The following ANKRD11 variants were observed in gnomAD, a reference collection of about 807,000 sequenced individuals.
ANKRD11 encodes the protein ankyrin repeat domain 11.
Under a neutral mutation model 195.7 loss-of-function variants are expected in ANKRD11, and 17 were observed. That is an observed-to-expected ratio of 0.09 (90% CI 0.06 to 0.13). The LOEUF (loss-of-function observed/expected upper bound fraction) is 0.13, where lower values mean the gene tolerates loss of function less well. Ranked by LOEUF, ANKRD11 falls within the 10% of genes least tolerant of loss-of-function variation. The pLI, the probability that ANKRD11 is intolerant of heterozygous loss-of-function variation, is 1.00. For synonymous variants in ANKRD11, 1,953 were observed against 1,528.1 expected, an observed-to-expected ratio of 1.28 and a Z score of -6.49; for missense variants, 3,735 against 3,566.1, an observed-to-expected ratio of 1.05 and a Z score of -1.21.
intron 2 of ANKRD11, among the ~76,000 whole-genome samples, chr16:89,371,395 C>A (rs1367012775): frequency 1.3e-5 from 2 of 152,226 alleles, no homozygotes; most frequent in Non-Finnish European, 2.9e-5. Flanking sequence ...TAAATCAAGT[C>A]ATTCCCTGCA....
At chr16:89,395,485 C>A (rs905752233) in intron 2 of ANKRD11, among the ~76,000 whole-genome samples, 1 of 152,208 alleles carries the variant, frequency 6.6e-6, no homozygotes. Flanking sequence ...TGTGAGCATG[C>A]GCCCAGGAAC....
intron 1 of ANKRD11, among the ~76,000 whole-genome samples, chr16:89,479,873 T>G (rs35367992): frequency 0.55 from 77,546 of 141,770 alleles, 20,394 homozygotes; most frequent in East Asian, 0.7. Context: ...AACCTGGGAG[T>G]CGGAGCTTGC....
At chr16:89,336,238 A>C (rs576595109) in intron 2 of ANKRD11, among the ~76,000 whole-genome samples, 1 of 152,216 alleles carries the variant, frequency 6.6e-6, no homozygotes, top group East Asian at 1.9e-4. Context: ...GGCAAGAGCC[A>C]CATCAACAGA....
intron 1 of ANKRD11, among the ~76,000 whole-genome samples, chr16:89,466,841 G>C (rs553987136): frequency 6.0e-4 from 91 of 152,336 alleles, no homozygotes; most frequent in African/African-American, 2.1e-3. Context: ...ACTCGGGCAT[G>C]TTCGAGAGTT....
At position 89,275,134 on chromosome 16, in the gene ANKRD11, C is replaced by A. The variant is rs544309810; in HGVS notation, c.7528G>T (p.Ala2510Ser). ...TGTAGACGCAGCTTTCCCCGGACGGCCTCCTGCTGCCTGAACAGCTCCTTC... is the reference window on the plus strand; with the variant it reads ...TGTAGACGCAGCTTTCCCCGGACGGACTCCTGCTGCCTGAACAGCTCCTTC... ...PLKELFRQQE[A>S]VRGKLRLQHS... Residue 2510 changes from alanine to serine, a missense_variant, in exon 10 of 13, where the codon GCC becomes TCC. Physicochemically the swap from Ala to Ser is moderately conservative, Grantham distance 99 (BLOSUM62 1). Coordinates refer to ENST00000301030, the MANE Select transcript of ANKRD11 (RefSeq NM_013275.6). 6.2e-6 allele frequency: 10 copies of A among 1,612,080 alleles called. No individual in the cohort carries two copies. The highest frequency in any genetic ancestry group is 1.7e-5 in the Admixed American group (1 of 59,762).
At chr16:89,290,598 G>A (rs1397158147) in intron 6 of ANKRD11, 27 bp downstream of exon 6, 1 of 1,608,396 alleles carries the variant, frequency 6.2e-7, no homozygotes, top group Admixed American at 1.7e-5. Context: ...GGGGCTCTCT[G>A]GCCCTTGCCA....
chr16:89,272,629 C>T (rs1206505860), intron 11 of ANKRD11: 1 of 152,198 alleles, frequency 6.6e-6, no homozygotes, highest in African/African-American at 2.4e-5. Context: ...GAGATCGTGC[C>T]ACTGCTCTCC....
At chr16:89,444,802 T>TA (rs139086360) in intron 1 of ANKRD11, among the ~76,000 whole-genome samples, 7,670 of 151,352 alleles carry the variant, frequency 0.051, 350 homozygotes, top group East Asian at 0.23. Flanking sequence ...AAATAAAATG[T>TA]AAAAAAAAGA....
At position 89,443,880 on chromosome 16, in the gene ANKRD11, A is replaced by G. The variant is rs145153062; in HGVS notation, c.-144-25512T>C. Among the ~76,000 whole-genome samples the G allele has an allele frequency of 9.1e-3, 1,388 of 152,286 alleles. 14 individuals are homozygous for G. The highest frequency in any genetic ancestry group is 0.061 in the Middle Eastern group (18 of 294). On this transcript the variant is annotated intron_variant, in intron 1 of 12. Coordinates refer to ENST00000301030, the MANE Select transcript of ANKRD11 (RefSeq NM_013275.6). ...CTGGGAGGGCAGGGGCTTGTCTTGG[A>G]GGAAAGTGCCAACAAAGCCTGTGCC...
At chr16:89,278,546 G>A (rs748410265) in intron 9 of ANKRD11, 1 of 456,798 alleles carries the variant, frequency 2.2e-6, no homozygotes, top group African/African-American at 2.0e-5. Context: ...GTGGAACAAG[G>A]TGAGGCTGGG....
chr16:89,451,008 T>C (rs1483613445), intron 1 of ANKRD11, among the ~76,000 whole-genome samples: 2 of 152,196 alleles, frequency 1.3e-5, no homozygotes, highest in Non-Finnish European at 2.9e-5. Context: ...AGCAAAGCAC[T>C]GTTTCTGTAA....
intron 2 of ANKRD11, among the ~76,000 whole-genome samples, chr16:89,393,309 TTTTTA>T (rs1284810594): frequency 6.8e-6 from 1 of 148,132 alleles, no homozygotes; most frequent in African/African-American, 2.6e-5. Flanking sequence ...ACTTTTTTTA[TTTTTA>T]TTTTTTTTTT....
intron 1 of ANKRD11, among the ~76,000 whole-genome samples, chr16:89,425,176 C>A (rs1266176317): frequency 6.6e-6 from 1 of 151,902 alleles, no homozygotes; most frequent in African/African-American, 2.4e-5. Context: ...TCACAATAAT[C>A]CCACAGAGTA....
intron 4 of ANKRD11, chr16:89,297,536 G>A (rs2035519290): frequency 7.3e-6 from 1 of 137,010 alleles, no homozygotes; most frequent in South Asian, 2.3e-4. Flanking sequence ...TGGCCAAGAA[G>A]TCTAAATCAC....
At chr16:89,338,555 T>C (rs1253296395) in intron 2 of ANKRD11, among the ~76,000 whole-genome samples, 1 of 151,112 alleles carries the variant, frequency 6.6e-6, no homozygotes, top group Non-Finnish European at 1.5e-5. Flanking sequence ...ATGATGACTG[T>C]CTCTACTAAA....
At chr16:89,388,899 CAA>C (rs960088056) in intron 2 of ANKRD11, among the ~76,000 whole-genome samples, 8 of 152,140 alleles carry the variant, frequency 5.3e-5, no homozygotes, top group African/African-American at 1.9e-4. Context: ...CTGAAAGGGA[CAA>C]AAAGGTTCCA....
chr16:89,480,292 T>C (rs867254042), intron 1 of ANKRD11, among the ~76,000 whole-genome samples: 60 of 151,542 alleles, frequency 4.0e-4, no homozygotes, highest in South Asian at 6.3e-4. Flanking sequence ...CTGGCTAACA[T>C]GGCGAAACCC....
At chr16:89,453,134 T>C (rs906252572) in intron 1 of ANKRD11, among the ~76,000 whole-genome samples, 6 of 152,152 alleles carry the variant, frequency 3.9e-5, no homozygotes, top group African/African-American at 1.4e-4. Flanking sequence ...TTGTTGCCGT[T>C]TTCATAATAG....
At chr16:89,269,624 G>GT (rs994620992) in intron 12 of ANKRD11, among the ~76,000 whole-genome samples, 18 of 150,028 alleles carry the variant, frequency 1.2e-4, no homozygotes, top group South Asian at 4.2e-4. Flanking sequence ...TATCCCTAAG[G>GT]TTTTTTTTTA....
Sources: allele counts gnomAD v4.1 joint callset (sites outside exome capture counted in the v4.1 genomes callset), GRCh38; gene constraint gnomAD v4.1.1; transcripts MANE v1.5; gene names NCBI Gene and HGNC (gene_info 2026-07-23, HGNC 2026-07-21).